IL12RB2: variants seen among roughly 807,000 people sequenced by gnomAD.
IL12RB2 encodes interleukin-12 receptor subunit beta-2.
In IL12RB2, 82 loss-of-function variants were observed where a neutral mutation model predicts 89.4. The observed-to-expected ratio is 0.92, with a 90% CI of 0.77 to 1.10. The LOEUF (loss-of-function observed/expected upper bound fraction) is 1.10, where lower values mean the gene tolerates loss of function less well. IL12RB2 is among the 50% of genes least tolerant of loss of function. The pLI is 0.00. For synonymous variants in IL12RB2, 368 were observed against 370.1 expected (o/e 0.99, Z 0.07); for missense variants, 963 against 1,031.9 (o/e 0.93, Z 0.92).
Position 67,328,337 on chromosome 1 carries a change from T to C in IL12RB2, c.617T>C (p.Leu206Pro). ...GCCAAGGTTACTGCTGTCAATAGTC[T>C]TGGAAGCTCCTCTTCACTTCCATCC... Reference protein sequence around the residue: ...FTAKVTAVNSLGSSSSLPSTF... With the variant: ...FTAKVTAVNSPGSSSSLPSTF... The change falls in exon 6 of 17, where the codon CTT becomes CCT. Residue 206 changes from leucine to proline, a missense_variant. Coordinates refer to ENST00000674203, the MANE Select transcript of IL12RB2 (RefSeq NM_001374259.2). 6.2e-7 allele frequency: 1 copy of C among 1,614,194 alleles called. No individual in the cohort carries two copies. Among genetic ancestry groups the C allele is most frequent in the African/African-American group, 1.3e-5 (1 of 75,062 alleles).
rs1558307004 is a variant in IL12RB2, at chr1:67,329,614, G to C, written c.692G>C (p.Arg231Thr). 2.5e-6 allele frequency: 4 copies of C among 1,588,248 alleles called. No individual in the cohort carries two copies. Among genetic ancestry groups the C allele is most frequent in the Non-Finnish European group, 3.5e-6 (4 of 1,156,316 alleles). Residue 231 changes from arginine to threonine, a missense_variant, in exon 7 of 17, where the codon AGA becomes ACA. Transcript: ENST00000674203. Reference protein sequence around the residue: ...IVRPLPPWDIRIKFQKASVSR... With the variant: ...IVRPLPPWDITIKFQKASVSR... Reference sequence around the variant, plus strand: ...AGGCCTCTTCCTCCGTGGGACATTAGAATCAAATTTCAAAAGGCTTCTGTG... The same window carrying C: ...AGGCCTCTTCCTCCGTGGGACATTACAATCAAATTTCAAAAGGCTTCTGTG...
intron 1 of IL12RB2, among the ~76,000 whole-genome samples, chr1:67,313,257 T>C (rs1348991124): frequency 6.6e-6 from 1 of 152,250 alleles, no homozygotes; most frequent in East Asian, 1.9e-4. Flanking sequence ...TGAGTTTTGT[T>C]GTTTCATCCT....
chr1:67,386,720 T>C (rs780222129), intron 15 of IL12RB2, 51 bp downstream of exon 15: 1 of 1,174,550 alleles, frequency 8.5e-7, no homozygotes, highest in East Asian at 2.3e-5. Context: ...TAAAAAATGA[T>C]AATAGCTGTT....
chr1:67,357,038 C>T (rs1176131901), intron 10 of IL12RB2, among the ~76,000 whole-genome samples: 2 of 152,044 alleles, frequency 1.3e-5, no homozygotes, highest in Non-Finnish European at 2.9e-5. Flanking sequence ...TGATGTTAAA[C>T]AGATTGCTTA....
At chr1:67,316,421 AGTGT>A (rs71062410) in intron 2 of IL12RB2, among the ~76,000 whole-genome samples, 1,790 of 146,230 alleles carry the variant, frequency 0.012, 16 homozygotes, top group African/African-American at 0.034. Flanking sequence ...TCCCCAGAGT[AGTGT>A]GTGTGTGTGT....
At chr1:67,375,030 A>C (rs1005139175) in intron 13 of IL12RB2, among the ~76,000 whole-genome samples, 1 of 152,042 alleles carries the variant, frequency 6.6e-6, no homozygotes, top group African/African-American at 2.4e-5. Flanking sequence ...TAATTCAGTA[A>C]GTATCTGTTG....
At chr1:67,381,921 G>C (rs12126445) in intron 14 of IL12RB2, among the ~76,000 whole-genome samples, 70,892 of 151,876 alleles carry the variant, frequency 0.47, 18,726 homozygotes, top group Non-Finnish European at 0.58. Flanking sequence ...AGGAGGCAGA[G>C]GTTGCAGGGA....
In IL12RB2 at chr1:67,393,719, T is replaced by C. The variant is rs1034651883; in HGVS notation, c.2047-1828T>C. On this transcript the variant is annotated intron_variant, in intron 16 of 16. Coordinates refer to ENST00000674203, the MANE Select transcript of IL12RB2 (RefSeq NM_001374259.2). ...GCCATGTCCAAGGCAAGGGAGGGGA[T>C]GTAAGAAGAAGATCCAGACCAAACC... 2.0e-5 allele frequency among the ~76,000 whole-genome samples: 3 copies of C among 152,178 alleles called. No homozygotes were observed. The South Asian group carries it at 6.2e-4, about 31-fold the overall frequency.
intron 2 of IL12RB2, among the ~76,000 whole-genome samples, chr1:67,319,143 G>A (rs1476180525): frequency 6.6e-6 from 1 of 152,208 alleles, no homozygotes; most frequent in Non-Finnish European, 1.5e-5. Context: ...GAAATTTTCT[G>A]AAGCTCTTCA....
chr1:67,336,613 A>G (rs1002351824), intron 8 of IL12RB2, among the ~76,000 whole-genome samples: 1 of 152,252 alleles, frequency 6.6e-6, no homozygotes, highest in Non-Finnish European at 1.5e-5. Flanking sequence ...TTAGAAAAAA[A>G]CAAAAAAGAA....
At chr1:67,315,781 C>A (rs973932073) in intron 2 of IL12RB2, among the ~76,000 whole-genome samples, 1 of 152,154 alleles carries the variant, frequency 6.6e-6, no homozygotes, top group African/African-American at 2.4e-5. Context: ...GTCTCAATTT[C>A]TCATCCTTGA....
chr1:67,382,308 C>T (rs1664682551), intron 14 of IL12RB2, among the ~76,000 whole-genome samples: 1 of 152,232 alleles, frequency 6.6e-6, no homozygotes, highest in South Asian at 2.1e-4. Flanking sequence ...CCTGTTGACA[C>T]TTCTCATGGG....
chr1:67,349,235 A>C (rs911339868), intron 9 of IL12RB2, among the ~76,000 whole-genome samples: 2 of 152,206 alleles, frequency 1.3e-5, no homozygotes, highest in African/African-American at 4.8e-5. Context: ...GTTGGACTGA[A>C]GCCTCTTGGG....
chr1:67,350,965 A>G lies in IL12RB2; in HGVS notation c.1134A>G (p.Thr378=). The G allele has an allele frequency of 1.2e-6, 2 of 1,614,188 alleles. No individual in the cohort carries two copies. The highest frequency in any genetic ancestry group is 8.5e-7 in the Non-Finnish European group (1 of 1,180,010). ...GGAAAGCCATGACACAGAACATCAC[A>G]GGACACACCTCCTGGACCACAGTCA... ...TGGKAMTQNI[T]GHTSWTTVIP... is the part of the protein sequence containing the mutation. The change falls in exon 10 of 17, where the codon ACA becomes ACG. Residue 378 remains threonine, a synonymous_variant. Coordinates refer to ENST00000674203, the MANE Select transcript of IL12RB2 (RefSeq NM_001374259.2).
intron 2 of IL12RB2, among the ~76,000 whole-genome samples, chr1:67,318,901 T>C (rs1656133758): frequency 6.6e-6 from 1 of 150,984 alleles, no homozygotes; most frequent in African/African-American, 2.4e-5. Context: ...AAAAAAAAAA[T>C]ACCTTGAGTG....
chr1:67,308,174 C>CTGT (rs779434539), intron 1 of IL12RB2, among the ~76,000 whole-genome samples: 57 of 152,172 alleles, frequency 3.7e-4, no homozygotes, highest in East Asian at 1.9e-4. Context: ...ACAGTCCTAA[C>CTGT]GCCCTGGGCA....
chr1:67,362,116 C>T (rs1354544212), intron 10 of IL12RB2, among the ~76,000 whole-genome samples: 1 of 151,354 alleles, frequency 6.6e-6, no homozygotes, highest in South Asian at 2.1e-4. Flanking sequence ...ACTAAAAATA[C>T]AAAAATTAGC....
intron 9 of IL12RB2, among the ~76,000 whole-genome samples, chr1:67,341,547 G>GAAA (rs57280455): frequency 5.6e-5 from 2 of 35,840 alleles, no homozygotes; most frequent in Admixed American, 7.9e-4. Context: ...AAGAAAGAAA[G>GAAA]AAAGAAAGAA....
At chr1:67,323,678 C>T (rs988049942) in intron 4 of IL12RB2, among the ~76,000 whole-genome samples, 1 of 152,176 alleles carries the variant, frequency 6.6e-6, no homozygotes, top group Non-Finnish European at 1.5e-5. Flanking sequence ...TTAAACTATG[C>T]TCAAAATATT....
Sources: allele counts gnomAD v4.1 joint callset (sites outside exome capture counted in the v4.1 genomes callset), GRCh38; gene constraint gnomAD v4.1.1; transcripts MANE v1.5; gene names NCBI Gene and HGNC (gene_info 2026-07-23, HGNC 2026-07-21).